Variants in DCP1B observed in about 807,000 individuals in gnomAD.
DCP1B encodes mRNA-decapping enzyme 1B.
A neutral mutation model predicts 60.5 loss-of-function variants in DCP1B; 47 were observed. The ratio of observed to expected loss-of-function variants is 0.78; its 90% CI spans 0.61 to 0.99. The LOEUF is 0.99. DCP1B is among the 50% of genes least tolerant of loss of function. The pLI is 0.00. For synonymous variants in DCP1B, 267 were observed against 280.3 expected, an observed-to-expected ratio of 0.95 and a Z score of 0.47; for missense variants, 725 against 756.8, an observed-to-expected ratio of 0.96 and a Z score of 0.49.
Position 1,993,627 on chromosome 12 carries a change from G to GGTGTGTGTGTGTGTGT in DCP1B, c.192-252_192-237dup, listed in dbSNP as rs150056084. Among the ~76,000 whole-genome samples, 835 of 146,656 alleles carry GGTGTGTGTGTGTGTGT rather than the reference G, an allele frequency of 5.7e-3. 9 individuals carry two copies. Among genetic ancestry groups the GGTGTGTGTGTGTGTGT allele is most frequent in the Middle Eastern group, 0.025 (7 of 282 alleles). The stretch of plus-strand genomic sequence containing the variant: ...TAAAATTGAGTCATACTTCATTTGT[G>GGTGTGTGTGTGTGTGT]GTGTGTGTGTGTGTGTGTGTGTGTG... On this transcript the variant is annotated intron_variant, in intron 2 of 8. Coordinates refer to ENST00000280665, the MANE Select transcript of DCP1B (RefSeq NM_152640.5).
At position 1,969,062 on chromosome 12, in the gene DCP1B, A is replaced by G. The variant is rs1010531302; in HGVS notation, c.320-1152T>C. Among the ~76,000 whole-genome samples, 5 of 152,350 alleles carry G rather than the reference A, an allele frequency of 3.3e-5. No homozygotes were observed. The East Asian group carries it at 9.6e-4, about 29-fold the overall frequency. On this transcript the variant is annotated intron_variant, in intron 3 of 8. Transcript: ENST00000280665. ...TTAAAACATCTTCACTGAAAACAGC[A>G]GCAATATTACGATAGGGCAATGAAA...
downstream of DCP1B, among the ~76,000 whole-genome samples, chr12:1,944,620 A>C (rs1440780750): frequency 6.6e-6 from 1 of 152,226 alleles, no homozygotes; most frequent in Admixed American, 6.5e-5. Flanking sequence ...GGCCCTCAGA[A>C]ATAATGCCAC....
chr12:1,953,927 A>T (rs1346173405), intron 6 of DCP1B, among the ~76,000 whole-genome samples: 1 of 152,232 alleles, frequency 6.6e-6, no homozygotes, highest in African/African-American at 2.4e-5. Context: ...TCATGCCTGT[A>T]ATTCCTGCAC....
At chr12:2,002,724 T>A (rs2042454325) in intron 1 of DCP1B, among the ~76,000 whole-genome samples, 1 of 152,206 alleles carries the variant, frequency 6.6e-6, no homozygotes, top group Non-Finnish European at 1.5e-5. Context: ...CTGGTCCTCA[T>A]CTCTCTACTA....
chr12:1,979,256 C>T (rs754490063), intron 3 of DCP1B, among the ~76,000 whole-genome samples: 18 of 152,164 alleles, frequency 1.2e-4, no homozygotes, highest in South Asian at 8.3e-4. Context: ...TCAGGTGATC[C>T]GCCTGCTTCG....
At chr12:1,964,851 T>C (rs903621815) in intron 5 of DCP1B, among the ~76,000 whole-genome samples, 1 of 152,204 alleles carries the variant, frequency 6.6e-6, no homozygotes, top group African/African-American at 2.4e-5. Context: ...TGTTTTAAAA[T>C]CAGGGAGAGC....
rs954441302 is a variant in DCP1B, at chr12:1,948,351, C to T, written c.1773+735G>A. On this transcript the variant is annotated intron_variant, in intron 8 of 8. Transcript: ENST00000280665. This position sits in a 1 kb window ranked among gnomAD's most constrained non-coding sequence, Gnocchi z 4.8. The stretch of plus-strand genomic sequence containing the variant: ...GGTGCATCCCAGCCCTGCTTATGTA[C>T]GAGCTCCGTGCCTCAGGCCAGTTGC... 5.3e-5 allele frequency among the ~76,000 whole-genome samples: 8 copies of T among 152,170 alleles called. No individual in the cohort carries two copies. The highest frequency in any genetic ancestry group is 2.6e-4 in the Admixed American group (4 of 15,282).
At chr12:1,965,801 AT>A in intron 4 of DCP1B, 108 bp from the exon 5 acceptor site, 1 of 1,301,094 alleles carries the variant, frequency 7.7e-7, no homozygotes, top group Non-Finnish European at 1.0e-6. Flanking sequence ...TTACAACCAT[AT>A]TAGAAATAAG....
chr12:1,955,696 C>A (rs1478156155), intron 5 of DCP1B, 136 bp from the exon 6 acceptor site: 1 of 1,029,248 alleles, frequency 9.7e-7, no homozygotes, highest in Admixed American at 3.0e-5. Context: ...AGGAAAATCC[C>A]TTAAATTTCT....
chr12:1,967,154 C>A (rs1378006729), intron 4 of DCP1B, among the ~76,000 whole-genome samples: 1 of 152,206 alleles, frequency 6.6e-6, no homozygotes, highest in Non-Finnish European at 1.5e-5. Flanking sequence ...AGAGAACAAG[C>A]CCTCCTCTTT....
chr12:1,992,129 C>T (rs550066861), intron 3 of DCP1B: 3 of 264,592 alleles, frequency 1.1e-5, no homozygotes, highest in African/African-American at 6.9e-5. Context: ...GTGTACCTTT[C>T]GGCAAAGAAA....
At chr12:1,974,320 G>A (rs1409856669) in intron 3 of DCP1B, among the ~76,000 whole-genome samples, 2 of 152,038 alleles carry the variant, frequency 1.3e-5, no homozygotes, top group Non-Finnish European at 2.9e-5. Context: ...TCATATCACC[G>A]CTTTTGTTCT....
At chr12:1,956,018 C>T (rs187724453) in intron 5 of DCP1B, among the ~76,000 whole-genome samples, 41 of 152,082 alleles carry the variant, frequency 2.7e-4, no homozygotes, top group Admixed American at 2.1e-3. Context: ...TTTTGGTCTA[C>T]AAACCAAAAA....
chr12:1,996,642 AAAAAAAAAAAAAACAAC>A (rs2040920599), intron 2 of DCP1B, among the ~76,000 whole-genome samples: 3 of 116,804 alleles, frequency 2.6e-5, no homozygotes, highest in African/African-American at 3.6e-5. Flanking sequence ...AAAAAAAAAA[AAAAAAAAAAAAAACAAC>A]AAACTCTTCT....
chr12:1,955,480 T>C lies in DCP1B; in HGVS notation c.603A>G (p.Pro201=), dbSNP rs1309610534. 1.2e-6 allele frequency: 2 copies of C among 1,613,984 alleles called. No individual in the cohort carries two copies. Among genetic ancestry groups the C allele is most frequent in the Non-Finnish European group, 8.5e-7 (1 of 1,179,860 alleles). Residue 201 remains proline, a synonymous_variant, in exon 6 of 9, where the codon CCA becomes CCG. Transcript: ENST00000280665. ...GTTGCTGGTTTTCACTGGGTTTCAC[T>C]GGAATTGGTTTGATGAGATTTGGAT... ...YDNPNLIKPI[P]VKPSENQQQR... is the part of the protein sequence containing the mutation.
intron 3 of DCP1B, among the ~76,000 whole-genome samples, chr12:1,973,456 A>C (rs2033200864): frequency 6.6e-6 from 1 of 152,250 alleles, no homozygotes; most frequent in Non-Finnish European, 1.5e-5. Context: ...GATTAAATTA[A>C]TATGTACTCT....
At position 2,001,979 on chromosome 12, in the gene DCP1B, T is replaced by C. The variant is rs550336889; in HGVS notation, c.150+2303A>G. 1.1e-4 allele frequency among the ~76,000 whole-genome samples: 16 copies of C among 152,340 alleles called. 1 individual carries two copies. In the South Asian group the frequency reaches 1.5e-3, roughly 14 times the overall value. On this transcript the variant is annotated intron_variant, in intron 1 of 8. Transcript: ENST00000280665. ...AAAATACCAGGGTTATGGTCTTCAATTGACACATAGGTATTAATATTTTGG... is the reference window on the plus strand; with the variant it reads ...AAAATACCAGGGTTATGGTCTTCAACTGACACATAGGTATTAATATTTTGG...
intron 1 of DCP1B, among the ~76,000 whole-genome samples, chr12:1,998,204 C>A (rs560359561): frequency 1.3e-5 from 2 of 152,338 alleles, no homozygotes; most frequent in Admixed American, 6.5e-5. Flanking sequence ...TAAAACAAAT[C>A]ATCATTATCT....
chr12:1,953,197 T>G lies in DCP1B; in HGVS notation c.743A>C (p.Gln248Pro). ...ATCQETVEPP[Q>P]TLHQQQQQQQ... Reference sequence around the variant, plus strand: ...CTGCTGCTGCTGCTGGTGGAGAGTCTGCGGAGGCTCCACAGTTTCCTGACA... The same window carrying G: ...CTGCTGCTGCTGCTGGTGGAGAGTCGGCGGAGGCTCCACAGTTTCCTGACA... The change falls in exon 7 of 9, where the codon CAG becomes CCG. Residue 248 changes from glutamine to proline, a missense_variant. Transcript: ENST00000280665. 6.2e-7 allele frequency: 1 copy of G among 1,610,322 alleles called. No individual in the cohort carries two copies. The highest frequency in any genetic ancestry group is 8.5e-7 in the Non-Finnish European group (1 of 1,180,002).
Sources: gnomAD v4.1 joint callset for allele counts (sites outside exome capture counted in the v4.1 genomes callset) on GRCh38, gnomAD v4.1.1 for gene constraint, Gnocchi (gnomAD v3.1) non-coding constraint, MANE v1.5 for transcripts, NCBI Gene and HGNC (gene_info 2026-07-23, HGNC 2026-07-21) for gene names.